GANAB: variants seen among roughly 807,000 people sequenced by gnomAD.
The protein encoded by GANAB is neutral alpha-glucosidase AB.
In GANAB, 35 loss-of-function variants were observed where a neutral mutation model predicts 129.9. The observed-to-expected ratio is 0.27, with a 90% CI of 0.21 to 0.36. The LOEUF is 0.36. Among genes scored for constraint, GANAB ranks in the 10% least tolerant of loss-of-function variants. GANAB has a pLI of 1.00. For missense variants in GANAB, 939 were observed against 1,221.0 expected, an observed-to-expected ratio of 0.77 and a Z score of 3.44; for synonymous variants, 482 against 451.8, an observed-to-expected ratio of 1.07 and a Z score of -0.85.
At chr11:62,628,661 C>A (rs1255394586) in intron 17 of GANAB, 108 bp downstream of exon 17, 1 of 1,141,772 alleles carries the variant, frequency 8.8e-7, no homozygotes, top group Non-Finnish European at 1.3e-6. Flanking sequence ...GATTTTCCAT[C>A]CTTTACAAGG....
At chr11:62,627,025 C>A (rs764389221) in intron 19 of GANAB, 23 bp downstream of exon 19, 2 of 1,605,852 alleles carry the variant, frequency 1.2e-6, no homozygotes, top group Admixed American at 3.3e-5. Context: ...CATCTTTCCC[C>A]ACCATGCCCT....
intron 1 of GANAB, among the ~76,000 whole-genome samples, chr11:62,644,980 A>G (rs1055924618): frequency 1.3e-5 from 2 of 152,176 alleles, no homozygotes; most frequent in Non-Finnish European, 2.9e-5. Flanking sequence ...ATGAGATCAC[A>G]GAGTGTACTA....
intron 18 of GANAB, 75 bp from the exon 19 acceptor site, chr11:62,627,199 T>G: frequency 7.0e-7 from 1 of 1,438,444 alleles, no homozygotes; most frequent in Non-Finnish European, 9.8e-7. Flanking sequence ...GCCTGCCCTC[T>G]GCACCACCAG....
intron 4 of GANAB, among the ~76,000 whole-genome samples, chr11:62,637,920 G>A (rs997465948): frequency 4.0e-5 from 6 of 150,844 alleles, no homozygotes; most frequent in African/African-American, 9.7e-5. Flanking sequence ...AAGAAAAAAC[G>A]GAAACCCCAG....
At position 62,635,811 on chromosome 11, in the gene GANAB, G is replaced by A. The variant is rs549718519; in HGVS notation, c.381-811C>T. ...CGGCTAATTTTTTTTTGTATTTTTA[G>A]GAGATATGATTTTTCGCCATGTTGG... On this transcript the variant is annotated intron_variant, in intron 4 of 23. Transcript: ENST00000356638. Among the ~76,000 whole-genome samples, 3 of 150,818 alleles carry A rather than the reference G, an allele frequency of 2.0e-5. No homozygotes were observed. The South Asian group carries it at 6.3e-4, about 32-fold the overall frequency.
At position 62,628,901 on chromosome 11, in the gene GANAB, C is replaced by T. The variant is rs1270442898; in HGVS notation, c.2048G>A (p.Arg683Gln). The change falls in exon 17 of 24, where the codon CGA (arginine) becomes CAA (glutamine). Residue 683 changes from arginine (R) to glutamine (Q), a missense_variant. Physicochemically the swap from Arg to Gln is conservative, Grantham distance 43. Transcript: ENST00000356638. ...FRAHAHLDTG[R>Q]REPWLLPSQH... ...AGATGGTAACAGCCATGGCTCTCGT[C>T]GCCCAGTGTCCAAGTGGGCATGTGC... 2 of 1,614,024 alleles carry T rather than the reference C, an allele frequency of 1.2e-6. No homozygotes were observed. Among genetic ancestry groups the T allele is most frequent in the Non-Finnish European group, 1.7e-6 (2 of 1,180,024 alleles).
intron 4 of GANAB, among the ~76,000 whole-genome samples, chr11:62,638,772 A>C (rs529170): frequency 6.6e-6 from 1 of 152,174 alleles, no homozygotes; most frequent in Non-Finnish European, 1.5e-5. Flanking sequence ...AGGAAAAAGC[A>C]ATAATTGTTT....
Position 62,625,874 on chromosome 11 carries a change from A to T in GANAB, c.2776T>A (p.Leu926Met), listed in dbSNP as rs550198965. ...SFQHDPETSV[L>M]VLRKPGINVA... ...TTGATGCCAGGCTTGCGCAGGACCA[A>T]CACAGAGGTCTCAGGGTCATGCTGG... The change falls in exon 24 of 24, where the codon TTG (leucine) becomes ATG (methionine). Residue 926 changes from leucine to methionine, a missense_variant. Leu to Met is a conservative substitution (Grantham distance 15, BLOSUM62 2). Around this residue, in one of 5 missense-constraint regions of GANAB, gnomAD observed 230 missense variants for 259.9 expected, o/e 0.89. Coordinates refer to ENST00000356638, the MANE Select transcript of GANAB (RefSeq NM_198334.3). 171 of 1,613,960 alleles carry T rather than the reference A, an allele frequency of 1.1e-4. 1 individual carries two copies. The South Asian group carries it at 1.8e-3, about 17-fold the overall frequency.
intron 20 of GANAB, 29 bp from the exon 21 acceptor site, chr11:62,626,713 T>C (rs1344117756): frequency 4.0e-6 from 6 of 1,487,792 alleles, no homozygotes; most frequent in Middle Eastern, 2.1e-4. Context: ...CAGGATGAAG[T>C]TGCCCCCTTG....
intron 19 of GANAB, 51 bp from the exon 20 acceptor site, chr11:62,626,985 C>A (rs1943415760): frequency 6.4e-7 from 1 of 1,570,912 alleles, no homozygotes; most frequent in Non-Finnish European, 8.8e-7. Context: ...GCACAGGGGT[C>A]CCGTCCTGTT....
At chr11:62,630,081 C>T (rs1280694694) in intron 13 of GANAB, 116 bp downstream of exon 13, 10 of 1,302,464 alleles carry the variant, frequency 7.7e-6, no homozygotes, top group South Asian at 2.4e-5. Context: ...CCCGGATCAT[C>T]AAGGCCCCCT....
chr11:62,626,659 G>A lies in GANAB; in HGVS notation c.2423C>T (p.Thr808Ile), dbSNP rs1175750979. ...CACTCGCATCCATCGAGGCACGATT[G>A]TCCCTCCACGCTGGAACACAGGGAT... is the stretch of plus-strand genomic sequence containing the variant. ...SSIPVFQRGG[T>I]IVPRWMRVRR... Residue 808 changes from threonine to isoleucine, a missense_variant, in exon 21 of 24, where the codon ACA becomes ATA. This residue lies in a region of GANAB where 230 missense variants were observed against 259.9 expected (regional missense o/e 0.89). Transcript: ENST00000356638. 2 of 1,607,982 alleles carry A rather than the reference G, an allele frequency of 1.2e-6. No individual in the cohort carries two copies. Among genetic ancestry groups the A allele is most frequent in the Non-Finnish European group, 1.7e-6 (2 of 1,176,420 alleles).
In GANAB at chr11:62,629,800, T is replaced by G. The variant is rs1192219046; in HGVS notation, c.1737+14A>C. On this transcript the variant is annotated intron_variant, in intron 14 of 23. Coordinates refer to ENST00000356638, the MANE Select transcript of GANAB (RefSeq NM_198334.3). ...TTCCCTCTTTCCACCAACTCTCCTC[T>G]CTCAGGCCCTTACCACATAAAGGCC... 6.2e-7 allele frequency: 1 copy of G among 1,613,896 alleles called. No individual in the cohort carries two copies. Among genetic ancestry groups the G allele is most frequent in the Non-Finnish European group, 8.5e-7 (1 of 1,179,928 alleles).
intron 4 of GANAB, among the ~76,000 whole-genome samples, chr11:62,635,265 AC>A (rs1473205817): frequency 3.3e-5 from 5 of 151,828 alleles, no homozygotes; most frequent in African/African-American, 9.7e-5. Context: ...GCTCACCGCA[AC>A]CTCCGTCTCC....
chr11:62,641,256 A>G (rs1342512896), intron 1 of GANAB, among the ~76,000 whole-genome samples: 2 of 150,922 alleles, frequency 1.3e-5, no homozygotes, highest in African/African-American at 4.9e-5. Flanking sequence ...AGGCATGAGA[A>G]TCGCTTGAAC....
chr11:62,629,016 GTA>G lies in GANAB; in HGVS notation c.1937-6_1937-5del. 1 of 1,610,884 alleles carries G rather than the reference GTA, an allele frequency of 6.2e-7. No homozygotes were observed. Among genetic ancestry groups the G allele is most frequent in the African/African-American group, 1.3e-5 (1 of 74,942 alleles). On this transcript the variant is annotated splice_polypyrimidine_tract_variant and splice_region_variant and intron_variant, in intron 16 of 23. Coordinates refer to ENST00000356638, the MANE Select transcript of GANAB (RefSeq NM_198334.3). ...TTGAAGAAGCCACCCACATCCGCTG[GTA>G]GAGGAGAGAGAGGAAGCAGGTTGGA...
chr11:62,629,234 C>T lies in GANAB; in HGVS notation c.1896G>A (p.Met632Ile). 1.9e-6 allele frequency: 3 copies of T among 1,613,606 alleles called. No individual in the cohort carries two copies. Among genetic ancestry groups the T allele is most frequent in the Non-Finnish European group, 2.5e-6 (3 of 1,179,566 alleles). ...GTCCCACCAGCCCCAAGCTGAGACACATAGGAATAGAGATCTTCAAATGGT... is the reference window on the plus strand; with the variant it reads ...GTCCCACCAGCCCCAAGCTGAGACATATAGGAATAGAGATCTTCAAATGGT... ...EWDHLKISIPMCLSLGLVGLS... is the reference protein window; with the variant it reads ...EWDHLKISIPICLSLGLVGLS... The change falls in exon 16 of 24, where the codon ATG becomes ATA. Residue 632 changes from methionine to isoleucine, a missense_variant. This residue lies in a region of GANAB where 147 missense variants were observed against 282.4 expected (regional missense o/e 0.52). Coordinates refer to ENST00000356638, the MANE Select transcript of GANAB (RefSeq NM_198334.3).
chr11:62,631,171 T>G lies in GANAB; in HGVS notation c.1009A>C (p.Lys337Gln). ...GAGCCCTGCAGGTAGTCCATCATCT[T>G]CCCAAACAGGGTCTGTATAGGTGAC... is the stretch of plus-strand genomic sequence containing the variant. Reference protein sequence around the residue: ...SNTAGKTLFGKMMDYLQGSGE... With the variant: ...SNTAGKTLFGQMMDYLQGSGE... The change falls in exon 10 of 24, where the codon AAG (lysine) becomes CAG (glutamine). Residue 337 changes from lysine (K) to glutamine (Q), a missense_variant. This residue lies in a region of GANAB where 220 missense variants were observed against 295.9 expected (regional missense o/e 0.74). Coordinates refer to ENST00000356638, the MANE Select transcript of GANAB (RefSeq NM_198334.3). 1.3e-6 allele frequency: 2 copies of G among 1,591,790 alleles called. No individual in the cohort carries two copies. The highest frequency in any genetic ancestry group is 2.2e-5 in the South Asian group (2 of 90,398).
Position 62,628,844 on chromosome 11 carries a change from C to T in GANAB, c.2105G>A (p.Gly702Asp). 3 of 1,614,102 alleles carry T rather than the reference C, an allele frequency of 1.9e-6. No individual in the cohort carries two copies. The South Asian group carries it at 3.3e-5, about 18-fold the overall frequency. The change falls in exon 17 of 24, where the codon GGC becomes GAC. Residue 702 changes from glycine (G) to aspartate (D), a missense_variant. Physicochemically the swap from Gly to Asp is moderately conservative, Grantham distance 94. Transcript: ENST00000356638. The part of the protein sequence containing the change: ...QHNDIIRDAL[G>D]QRYSLLPFWY... ...GAAGGGCAGCAAAGAATATCGCTGG[C>T]CCAAGGCATCTCGGATTATATCATT...
Sources: allele counts gnomAD v4.1 joint callset (sites outside exome capture counted in the v4.1 genomes callset), GRCh38; gene constraint gnomAD v4.1.1; regional missense constraint gnomAD v4.1.1; transcripts MANE v1.5; gene names NCBI Gene and HGNC (gene_info 2026-07-23, HGNC 2026-07-21).